The following SLC30A9 variants were observed in gnomAD, a reference collection of about 807,000 sequenced individuals.
SLC30A9 encodes solute carrier family 30 member 9.
A neutral mutation model predicts 87.5 loss-of-function variants in SLC30A9; 58 were observed. The observed-to-expected ratio is 0.66, with a 90% CI of 0.54 to 0.82. The LOEUF is 0.82. Among genes scored for constraint, SLC30A9 ranks in the 40% least tolerant of loss-of-function variants. SLC30A9 has a pLI of 0.00. For synonymous variants in SLC30A9, 234 were observed against 233.0 expected, an observed-to-expected ratio of 1.00 and a Z score of -0.04; for missense variants, 557 against 679.1, an observed-to-expected ratio of 0.82 and a Z score of 2.00.
At chr4:42,069,122 GT>G (rs1346533324) in intron 14 of SLC30A9, among the ~76,000 whole-genome samples, 3 of 152,120 alleles carry the variant, frequency 2.0e-5, no homozygotes, top group Non-Finnish European at 4.4e-5. Context: ...TGACCATATA[GT>G]TTTAGACTGT....
intron 6 of SLC30A9, among the ~76,000 whole-genome samples, chr4:42,033,450 G>A (rs1031895706): frequency 2.0e-5 from 3 of 151,798 alleles, no homozygotes; most frequent in African/African-American, 4.8e-5. Context: ...ACCAGCCTGG[G>A]CAACATTAGC....
At chr4:42,028,682 C>T (rs1222544242) in intron 6 of SLC30A9, among the ~76,000 whole-genome samples, 2 of 152,194 alleles carry the variant, frequency 1.3e-5, no homozygotes, top group African/African-American at 4.8e-5. Context: ...CCAATAGTAT[C>T]ACCTTTGAAC....
chr4:42,019,618 A>G (rs933022299), intron 3 of SLC30A9, among the ~76,000 whole-genome samples: 9 of 152,174 alleles, frequency 5.9e-5, no homozygotes, highest in African/African-American at 1.7e-4. Context: ...CATAAGAAAT[A>G]CTAATTAGCA....
intron 9 of SLC30A9, 103 bp from the exon 10 acceptor site, chr4:42,060,088 T>C: frequency 1.2e-6 from 1 of 825,448 alleles, no homozygotes; most frequent in Non-Finnish European, 2.1e-6. Context: ...ATATGTTGAG[T>C]GTTTCTTTGT....
intron 7 of SLC30A9, among the ~76,000 whole-genome samples, chr4:42,036,453 C>T (rs1280283420): frequency 6.6e-6 from 1 of 152,176 alleles, no homozygotes; most frequent in Non-Finnish European, 1.5e-5. Flanking sequence ...TCAACCCCAC[C>T]ACCCCACTGA....
At chr4:42,011,549 CTG>C (rs1715444208) in intron 2 of SLC30A9, among the ~76,000 whole-genome samples, 1 of 152,090 alleles carries the variant, frequency 6.6e-6, no homozygotes, top group Non-Finnish European at 1.5e-5. Context: ...AGAATGAACT[CTG>C]AGCACAAGAA....
intron 17 of SLC30A9, 75 bp downstream of exon 17, chr4:42,078,400 T>G: frequency 1.4e-6 from 1 of 738,038 alleles, no homozygotes; most frequent in South Asian, 1.6e-5. Context: ...CAGCAGACAC[T>G]AAGTGCATCC....
chr4:41,994,807 G>A lies in SLC30A9; in HGVS notation c.109+4047G>A, dbSNP rs1354157220. ...GGAGGCTGAGGCAGGAGAATTGCTTGAACCCGTCAGATGTGGTCTCAAAAA... is the reference window on the plus strand; with the variant it reads ...GGAGGCTGAGGCAGGAGAATTGCTTAAACCCGTCAGATGTGGTCTCAAAAA... On this transcript the variant is annotated intron_variant, in intron 1 of 17. Transcript: ENST00000264451. Among the ~76,000 whole-genome samples, 19 of 129,646 alleles carry A rather than the reference G, an allele frequency of 1.5e-4. 1 individual carries two copies. The highest frequency in any genetic ancestry group is 5.4e-4 in the African/African-American group (19 of 35,448). The allele number at this position is 129,646 out of a possible 152,430, so 85.1% of individuals were successfully genotyped here. A position where few individuals can be genotyped will look rare whatever the true frequency, so the allele number is the denominator to read the frequency against.
chr4:41,995,151 T>C (rs1236995729), intron 1 of SLC30A9, among the ~76,000 whole-genome samples: 3 of 152,074 alleles, frequency 2.0e-5, no homozygotes, highest in African/African-American at 7.2e-5. Flanking sequence ...TCCCAGCTAC[T>C]TGGGAGGCTG....
intron 15 of SLC30A9, among the ~76,000 whole-genome samples, chr4:42,071,119 T>G (rs912701448): frequency 6.6e-6 from 1 of 152,100 alleles, no homozygotes; most frequent in Admixed American, 6.5e-5. Flanking sequence ...GAAAATAGAC[T>G]TTGTTTTAGC....
intron 17 of SLC30A9, among the ~76,000 whole-genome samples, chr4:42,084,382 C>T (rs1487053181): frequency 6.6e-6 from 1 of 152,102 alleles, no homozygotes; most frequent in Non-Finnish European, 1.5e-5. Context: ...TTCTGTCCTC[C>T]CTTCTCACAG....
rs1320989341 is a variant in SLC30A9 at position 42,058,582 on chromosome 4, C to T, written c.841-1609C>T. On this transcript the variant is annotated intron_variant, in intron 9 of 17. Coordinates refer to ENST00000264451, the MANE Select transcript of SLC30A9 (RefSeq NM_006345.4). ...TTTTCATGCTGCTGATAAAGACATG[C>T]CCAAGACTGGGCAATTTACAGAAAA... is the stretch of plus-strand genomic sequence containing the variant. 2.6e-5 allele frequency among the ~76,000 whole-genome samples: 4 copies of T among 152,196 alleles called. No individual in the cohort carries two copies. The East Asian group carries it at 7.7e-4, about 29-fold the overall frequency.
intron 15 of SLC30A9, among the ~76,000 whole-genome samples, chr4:42,071,491 T>C (rs749254911): frequency 6.6e-6 from 1 of 152,108 alleles, no homozygotes; most frequent in Non-Finnish European, 1.5e-5. Flanking sequence ...GTAACTATCT[T>C]ATTGGAACAA....
At chr4:42,000,933 AAG>A (rs1447988786) in intron 1 of SLC30A9, among the ~76,000 whole-genome samples, 1 of 152,070 alleles carries the variant, frequency 6.6e-6, no homozygotes, top group African/African-American at 2.4e-5. Flanking sequence ...ATGGTAAAAA[AAG>A]AGAAGGAGGG....
chr4:42,066,921 A>G (rs1317875852), intron 13 of SLC30A9, among the ~76,000 whole-genome samples, 164 bp from the exon 14 acceptor site: 1 of 152,248 alleles, frequency 6.6e-6, no homozygotes, highest in Non-Finnish European at 1.5e-5. Context: ...AAGCCAAGAA[A>G]TTATGTTTGC....
intron 9 of SLC30A9, among the ~76,000 whole-genome samples, chr4:42,058,298 G>T (rs573984353): frequency 6.6e-6 from 1 of 152,230 alleles, no homozygotes; most frequent in Non-Finnish European, 1.5e-5. Flanking sequence ...CTTTGCCCCA[G>T]TTTCCAACAA....
chr4:42,016,767 G>C (rs1318577542), intron 2 of SLC30A9, among the ~76,000 whole-genome samples: 1 of 151,284 alleles, frequency 6.6e-6, no homozygotes, highest in African/African-American at 2.4e-5. Context: ...ATGCACTGCT[G>C]TATGAAATGT....
chr4:42,073,413 C>T (rs1017509369), intron 15 of SLC30A9, among the ~76,000 whole-genome samples: 2 of 152,110 alleles, frequency 1.3e-5, no homozygotes, highest in African/African-American at 4.8e-5. Flanking sequence ...GGAAAAAATA[C>T]GTTAGTAATC....
chr4:42,003,784 G>A (rs529275404), intron 2 of SLC30A9, among the ~76,000 whole-genome samples: 2 of 150,852 alleles, frequency 1.3e-5, no homozygotes, highest in Non-Finnish European at 3.0e-5. Flanking sequence ...TTCTCATTCC[G>A]TCATCCTTTC....
Sources: gnomAD v4.1 joint callset for allele counts (sites outside exome capture counted in the v4.1 genomes callset) on GRCh38, gnomAD v4.1.1 for gene constraint, MANE v1.5 for transcripts, NCBI Gene and HGNC (gene_info 2026-07-23, HGNC 2026-07-21) for gene names.